Variants in ATP13A5 observed in about 807,000 individuals in gnomAD.
ATP13A5 encodes the protein probable cation-transporting ATPase 13A5.
A neutral mutation model predicts 150.2 loss-of-function variants in ATP13A5; 149 were observed. That is an observed-to-expected ratio of 0.99 (90% CI 0.87 to 1.14). The LOEUF is 1.14. Among genes scored for constraint, ATP13A5 ranks in the 50% most tolerant of loss-of-function variants. ATP13A5 has a pLI of 0.00. For missense variants in ATP13A5, 1,383 were observed against 1,449.3 expected, an observed-to-expected ratio of 0.95 and a Z score of 0.74; for synonymous variants, 497 against 522.2, an observed-to-expected ratio of 0.95 and a Z score of 0.66.
chr3:193,371,964 G>A (rs945379560), intron 1 of ATP13A5, among the ~76,000 whole-genome samples: 6 of 152,030 alleles, frequency 3.9e-5, no homozygotes, highest in Non-Finnish European at 7.4e-5. Context: ...AACAGGAACG[G>A]TGATCACAGG....
At chr3:193,293,329 G>T (rs1228386831) in intron 25 of ATP13A5, among the ~76,000 whole-genome samples, 1 of 152,090 alleles carries the variant, frequency 6.6e-6, no homozygotes, top group African/African-American at 2.4e-5. Flanking sequence ...CTATCAGATT[G>T]CATTCAGAGG....
At chr3:193,333,938 G>C in intron 10 of ATP13A5, 31 bp from the exon 11 acceptor site, 1 of 1,590,840 alleles carries the variant, frequency 6.3e-7, no homozygotes, top group Non-Finnish European at 8.6e-7. Flanking sequence ...ATCAAGTAAG[G>C]CTGCTTGATG....
chr3:193,334,041 G>C, intron 10 of ATP13A5, 134 bp from the exon 11 acceptor site: 2 of 804,802 alleles, frequency 2.5e-6, no homozygotes, highest in Non-Finnish European at 3.7e-6. Flanking sequence ...TAAGTTTTCA[G>C]GTGGTTTTCA....
intron 21 of ATP13A5, among the ~76,000 whole-genome samples, chr3:193,308,080 A>G (rs1718685844): frequency 6.6e-6 from 1 of 152,250 alleles, no homozygotes; most frequent in African/African-American, 2.4e-5. Context: ...TATGAAATCA[A>G]TAAGGAGAAA....
intron 11 of ATP13A5, among the ~76,000 whole-genome samples, chr3:193,333,437 AACCTGAC>A (rs140041592): frequency 1.6e-3 from 243 of 152,310 alleles, no homozygotes; most frequent in Middle Eastern, 6.8e-3. Flanking sequence ...ATCCAAATGA[AACCTGAC>A]ACCCTGTAGC....
chr3:193,369,460 G>A (rs1217462002), intron 1 of ATP13A5, among the ~76,000 whole-genome samples: 4 of 152,068 alleles, frequency 2.6e-5, no homozygotes, highest in African/African-American at 9.7e-5. Flanking sequence ...ATGTCACACA[G>A]TATATGTATT....
rs1452202276 is a variant in ATP13A5, at chr3:193,343,971, A to G, written c.899T>C (p.Val300Ala). The part of the protein sequence containing the change: ...PGKFSLPCDA[V>A]LIDGSCVVNE... ...CACCACGCAGCTTCCATCAATCAAA[A>G]CAGCATCACATGGCAATGAAAATTT... Residue 300 changes from valine (V) to alanine (A), a missense_variant, in exon 9 of 30, where the codon GTT (valine) becomes GCT (alanine). By Grantham distance (64) the Val-to-Ala change is moderately conservative. Coordinates refer to ENST00000342358, the MANE Select transcript of ATP13A5 (RefSeq NM_198505.4). 1.7e-5 allele frequency: 27 copies of G among 1,613,478 alleles called. No homozygotes were observed. Among genetic ancestry groups the G allele is most frequent in the Non-Finnish European group, 2.3e-5 (27 of 1,179,604 alleles).
At chr3:193,348,777 CCTT>C (rs1712450255) in intron 7 of ATP13A5, among the ~76,000 whole-genome samples, 1 of 152,208 alleles carries the variant, frequency 6.6e-6, no homozygotes, top group Admixed American at 6.5e-5. Flanking sequence ...AGTAGATGCT[CCTT>C]CTTTCAGTCC....
intron 7 of ATP13A5, among the ~76,000 whole-genome samples, chr3:193,347,087 T>C (rs1712369111): frequency 6.6e-6 from 1 of 152,214 alleles, no homozygotes; most frequent in African/African-American, 2.4e-5. Context: ...TTTCAAGTTA[T>C]ACCTTCAAGC....
intron 21 of ATP13A5, among the ~76,000 whole-genome samples, chr3:193,309,609 A>G (rs1187171481): frequency 6.6e-6 from 1 of 152,208 alleles, no homozygotes; most frequent in East Asian, 1.9e-4. Flanking sequence ...TATAAAAAAC[A>G]GCAACATCCG....
intron 23 of ATP13A5, among the ~76,000 whole-genome samples, chr3:193,302,207 A>G (rs1718428527): frequency 6.6e-6 from 1 of 152,318 alleles, no homozygotes; most frequent in South Asian, 2.1e-4. Context: ...GAACAGGGAC[A>G]TGAAAAGAAG....
chr3:193,320,913 T>C (rs1344633916), intron 16 of ATP13A5, among the ~76,000 whole-genome samples: 2 of 152,190 alleles, frequency 1.3e-5, no homozygotes, highest in African/African-American at 2.4e-5. Context: ...AAATTATGAA[T>C]TATCTTGCTC....
At chr3:193,329,635 C>T (rs751616675) in intron 12 of ATP13A5, among the ~76,000 whole-genome samples, 12 of 152,142 alleles carry the variant, frequency 7.9e-5, no homozygotes, top group Non-Finnish European at 1.5e-5. Flanking sequence ...TTAACCTTGT[C>T]GGTTCTTGAC....
intron 1 of ATP13A5, among the ~76,000 whole-genome samples, chr3:193,368,561 A>G (rs1055075818): frequency 1.3e-5 from 2 of 152,216 alleles, no homozygotes; most frequent in African/African-American, 4.8e-5. Flanking sequence ...AGTAATTAAG[A>G]AAATGAGGTA....
chr3:193,378,528 C>T (rs1713722839), intron 1 of ATP13A5, 135 bp downstream of exon 1: 2 of 784,268 alleles, frequency 2.6e-6, no homozygotes, highest in South Asian at 3.5e-5. Context: ...CTTAAGGAAC[C>T]TTACCAGACT....
chr3:193,314,177 C>T lies in ATP13A5; in HGVS notation c.2175G>A (p.Thr725=), dbSNP rs1227845655. 1.1e-5 allele frequency: 17 copies of T among 1,613,536 alleles called. No individual in the cohort carries two copies. In the African/African-American group the frequency reaches 1.5e-4, roughly 14 times the overall value. ...CAGAATTCTTTGCAACAGTAATGGC[C>T]GTTTGAAGGTTATCACCTAGAAGAC... The part of the protein sequence containing the change: ...TVMITGDNLQ[T]AITVAKNSEM... Residue 725 remains threonine, a synonymous_variant, in exon 19 of 30, where the codon ACG becomes ACA. Coordinates refer to ENST00000342358, the MANE Select transcript of ATP13A5 (RefSeq NM_198505.4).
At chr3:193,287,488 T>G (rs1717769079) in intron 26 of ATP13A5, among the ~76,000 whole-genome samples, 1 of 152,152 alleles carries the variant, frequency 6.6e-6, no homozygotes, top group African/African-American at 2.4e-5. Flanking sequence ...AACTCTACTT[T>G]GCCTGTGCTC....
rs146176288 is a variant in ATP13A5, at chr3:193,310,559, T to C, written c.2525+79A>G. 13 of 1,170,466 alleles carry C rather than the reference T, an allele frequency of 1.1e-5. No homozygotes were observed. In the Admixed American group the frequency reaches 1.2e-4, roughly 11 times the overall value. The allele number at this position is 1,170,466 out of a possible 1,614,324, so 72.5% of individuals were successfully genotyped here. A position where few individuals can be genotyped will look rare whatever the true frequency, so the allele number is the denominator to read the frequency against. ...TTTTTGACTTTTTAATAATAGCCAT[T>C]CTGACTCACACCTGAATTATTGACC... On this transcript the variant is annotated intron_variant, in intron 21 of 29. Coordinates refer to ENST00000342358, the MANE Select transcript of ATP13A5 (RefSeq NM_198505.4).
intron 23 of ATP13A5, among the ~76,000 whole-genome samples, chr3:193,302,214 G>A (rs532120941): frequency 2.0e-5 from 3 of 152,254 alleles, no homozygotes; most frequent in Admixed American, 6.5e-5. Context: ...GACATGAAAA[G>A]AAGAACCTAA....
Sources: allele counts gnomAD v4.1 joint callset (sites outside exome capture counted in the v4.1 genomes callset), GRCh38; gene constraint gnomAD v4.1.1; transcripts MANE v1.5; gene names NCBI Gene and HGNC (gene_info 2026-07-23, HGNC 2026-07-21).